PTPRG: variants seen among roughly 807,000 people sequenced by gnomAD.
The protein encoded by PTPRG is receptor-type tyrosine-protein phosphatase gamma.
Under a neutral mutation model 165.3 loss-of-function variants are expected in PTPRG, and 102 were observed. The observed-to-expected ratio is 0.62, with a 90% CI of 0.53 to 0.73. The LOEUF is 0.73. PTPRG is among the 30% of genes least tolerant of loss of function. The probability of loss-of-function intolerance (pLI) is 0.00; values close to 1 mark genes in which losing one functional copy is unlikely to be tolerated. For missense variants in PTPRG, 1,866 were observed against 1,861.4 expected, an observed-to-expected ratio of 1.00 and a Z score of -0.05; for synonymous variants, 675 against 669.5, an observed-to-expected ratio of 1.01 and a Z score of -0.13.
chr3:61,702,042 G>A (rs190017557), intron 1 of PTPRG, among the ~76,000 whole-genome samples: 28 of 152,082 alleles, frequency 1.8e-4, no homozygotes, highest in Non-Finnish European at 3.4e-4. Flanking sequence ...GCAGTGGCGC[G>A]ATCTCGGCTC....
At chr3:62,231,654 G>A (rs1700904503) in intron 14 of PTPRG, among the ~76,000 whole-genome samples, 2 of 152,052 alleles carry the variant, frequency 1.3e-5, no homozygotes, top group South Asian at 2.1e-4. Context: ...ATATTTGCAT[G>A]GTTTTGAGCT....
intron 28 of PTPRG, among the ~76,000 whole-genome samples, chr3:62,288,357 G>A (rs958222741): frequency 6.6e-6 from 1 of 152,002 alleles, no homozygotes; most frequent in African/African-American, 2.4e-5. Flanking sequence ...AAAACCTACC[G>A]TATATCTGTA....
chr3:61,742,956 G>A (rs1458619614), intron 1 of PTPRG: 1 of 1,478,892 alleles, frequency 6.8e-7, no homozygotes, highest in Non-Finnish European at 9.4e-7. Context: ...GTCTGACGGT[G>A]CCCGAGAAGC....
At chr3:62,191,190 T>C (rs901966959) in intron 8 of PTPRG, among the ~76,000 whole-genome samples, 8 of 151,074 alleles carry the variant, frequency 5.3e-5, no homozygotes, top group African/African-American at 1.9e-4. Flanking sequence ...CGTGCACATA[T>C]GTGTATGTGC....
chr3:61,733,005 A>T (rs1203340095), intron 1 of PTPRG, among the ~76,000 whole-genome samples: 1 of 152,186 alleles, frequency 6.6e-6, no homozygotes, highest in African/African-American at 2.4e-5. Flanking sequence ...CACTTTTATT[A>T]TAGTATTTTT....
intron 2 of PTPRG, among the ~76,000 whole-genome samples, chr3:61,796,944 T>C (rs2035064620): frequency 6.6e-6 from 1 of 152,196 alleles, no homozygotes; most frequent in Non-Finnish European, 1.5e-5. Context: ...CATGAAACCA[T>C]TGTGTTCATC....
At chr3:61,747,911 T>G (rs544388566) in intron 1 of PTPRG, among the ~76,000 whole-genome samples, 1 of 152,300 alleles carries the variant, frequency 6.6e-6, no homozygotes, top group African/African-American at 2.4e-5. Context: ...TTGAGGCACC[T>G]GTGACATTTG....
Position 62,273,024 on chromosome 3 carries a change from C to G in PTPRG, c.3261C>G (p.Asn1087Lys). The change falls in exon 22 of 30, where the codon AAC (asparagine) becomes AAG (lysine). Residue 1087 changes from asparagine (N) to lysine (K), a missense_variant. Asn to Lys is a moderately conservative substitution (Grantham distance 94). Around this residue, in one of 3 missense-constraint regions of PTPRG, gnomAD observed 1,452 missense variants for 1,463.0 expected, o/e 0.99. Coordinates refer to ENST00000474889, the MANE Select transcript of PTPRG (RefSeq NM_002841.4). This position sits in a 1 kb window ranked among gnomAD's most constrained non-coding sequence, Gnocchi z 4.1. The stretch of plus-strand genomic sequence containing the variant: ...AGATAAAAGACAAAAGCACAGTTAA[C>G]GTCCTGGGATTCCTGAAGCATATCA... Reference protein sequence around the residue: ...LQQIKDKSTVNVLGFLKHIRT... With the variant: ...LQQIKDKSTVKVLGFLKHIRT... 1 of 1,613,814 alleles carries G rather than the reference C, an allele frequency of 6.2e-7. No individual in the cohort carries two copies. Among genetic ancestry groups the G allele is most frequent in the Non-Finnish European group, 8.5e-7 (1 of 1,179,834 alleles).
chr3:61,778,619 G>A (rs906484242), intron 2 of PTPRG, among the ~76,000 whole-genome samples: 5 of 151,936 alleles, frequency 3.3e-5, no homozygotes, highest in African/African-American at 9.7e-5. Flanking sequence ...GCCTCAACTT[G>A]GTCCCTGCTA....
At chr3:62,083,995 A>G (rs1390826219) in intron 5 of PTPRG, among the ~76,000 whole-genome samples, 2 of 152,232 alleles carry the variant, frequency 1.3e-5, no homozygotes, top group African/African-American at 4.8e-5. Flanking sequence ...TGTCATATGA[A>G]TGCTTGAAAT....
chr3:61,794,570 A>C (rs1182958905), intron 2 of PTPRG, among the ~76,000 whole-genome samples: 1 of 152,366 alleles, frequency 6.6e-6, no homozygotes, highest in African/African-American at 2.4e-5. Flanking sequence ...AAATTGAAAT[A>C]TAAGACGTCA....
chr3:61,594,724 A>C (rs899398795), intron 1 of PTPRG, among the ~76,000 whole-genome samples: 4 of 152,198 alleles, frequency 2.6e-5, no homozygotes. Flanking sequence ...AGTGGCGCCG[A>C]CATCCATCAC....
chr3:61,613,191 C>T (rs1559524374), intron 1 of PTPRG, among the ~76,000 whole-genome samples: 2 of 152,106 alleles, frequency 1.3e-5, no homozygotes, highest in Non-Finnish European at 2.9e-5. Flanking sequence ...AGGGCTTTTT[C>T]TATTTTTAAG....
At position 61,670,606 on chromosome 3, in the gene PTPRG, C is replaced by T. The variant is rs9843648; in HGVS notation, c.86-78272C>T. ...TAGACCTAGAGCAGACCCACTAACT[C>T]ATTAACCTCTCTGACACGAAATAGA... On this transcript the variant is annotated intron_variant, in intron 1 of 29. Coordinates refer to ENST00000474889, the MANE Select transcript of PTPRG (RefSeq NM_002841.4). Among the ~76,000 whole-genome samples the T allele has an allele frequency of 9.0e-3, 1,376 of 152,282 alleles. 10 individuals are homozygous for T. Among genetic ancestry groups the T allele is most frequent in the Admixed American group, 0.015 (233 of 15,296 alleles).
At chr3:61,662,672 A>G (rs1702698471) in intron 1 of PTPRG, among the ~76,000 whole-genome samples, 1 of 152,218 alleles carries the variant, frequency 6.6e-6, no homozygotes. Context: ...TAAGAAGATG[A>G]TGGTCCTTGG....
rs919856997 is a variant in PTPRG at position 62,107,927 on chromosome 3, T to A, written c.616-24675T>A. 3.9e-5 allele frequency among the ~76,000 whole-genome samples: 6 copies of A among 152,330 alleles called. No individual in the cohort carries two copies. The South Asian group carries it at 1.0e-3, about 26-fold the overall frequency. On this transcript the variant is annotated intron_variant, in intron 5 of 29. Transcript: ENST00000474889. ...TCCGTGGAAATCTCTGCACTCTCAC[T>A]CAGACTCTAATGGAAAGTATGCCAG...
chr3:61,842,962 T>A (rs1417236625), intron 2 of PTPRG, among the ~76,000 whole-genome samples: 1 of 152,192 alleles, frequency 6.6e-6, no homozygotes, highest in Non-Finnish European at 1.5e-5. Flanking sequence ...TATTAATACA[T>A]GCCCAAGCCA....
chr3:61,802,186 A>G (rs1040111214), intron 2 of PTPRG, among the ~76,000 whole-genome samples: 1 of 152,208 alleles, frequency 6.6e-6, no homozygotes, highest in Non-Finnish European at 1.5e-5. Flanking sequence ...GGAAATTATC[A>G]GTAATATACA....
intron 2 of PTPRG, among the ~76,000 whole-genome samples, chr3:61,830,566 G>GTTTTTTTTTTTT (rs57644199): frequency 5.8e-5 from 5 of 86,496 alleles, no homozygotes; most frequent in African/African-American, 8.3e-5. Context: ...TTTTGTTTTT[G>GTTTTTTTTTTTT]TTTTTTTTTT....
Sources: allele counts gnomAD v4.1 joint callset (sites outside exome capture counted in the v4.1 genomes callset), GRCh38; gene constraint gnomAD v4.1.1; regional missense constraint gnomAD v4.1.1; non-coding constraint Gnocchi (gnomAD v3.1); transcripts MANE v1.5; gene names NCBI Gene and HGNC (gene_info 2026-07-23, HGNC 2026-07-21).